The following GET1 variants were observed in gnomAD, a reference collection of about 807,000 sequenced individuals.
GET1 encodes congenital heart disease 5 protein.
Under a neutral mutation model 22.6 loss-of-function variants are expected in GET1, and 20 were observed. The ratio of observed to expected loss-of-function variants is 0.89; its 90% CI spans 0.62 to 1.29. The LOEUF is 1.29. Among genes scored for constraint, GET1 ranks in the 50% most tolerant of loss-of-function variants. The pLI, the probability that GET1 is intolerant of heterozygous loss-of-function variation, is 0.00. For synonymous variants in GET1, 92 were observed against 83.8 expected, an observed-to-expected ratio of 1.10 and a Z score of -0.53; for missense variants, 209 against 219.9, an observed-to-expected ratio of 0.95 and a Z score of 0.31.
chr21:39,401,226 T>C (rs895206345), downstream of GET1, among the ~76,000 whole-genome samples: 64 of 152,096 alleles, frequency 4.2e-4, no homozygotes, highest in African/African-American at 1.4e-3. Context: ...ATTTTTAAAT[T>C]TTTGTAGAGA....
chr21:39,403,520 G>A (rs1047368197), intron 4 of GET1, among the ~76,000 whole-genome samples: 9 of 145,164 alleles, frequency 6.2e-5, no homozygotes, highest in Admixed American at 6.1e-4. Flanking sequence ...TAGAGACGGG[G>A]TTCACCGTGT....
At chr21:39,410,056 G>A (rs756895132), downstream of GET1, 54 of 1,610,982 alleles carry the variant, frequency 3.4e-5, no homozygotes, top group East Asian at 1.2e-3. Context: ...TATTTCAGTT[G>A]ATTTTTCTTT....
chr21:39,397,115 C>CAA lies in GET1; in HGVS notation c.*176_*177insAA. The CAA allele has an allele frequency of 1.5e-6, 1 of 665,104 alleles. No homozygotes were observed. The highest frequency in any genetic ancestry group is 2.5e-6 in the Non-Finnish European group (1 of 397,744). 41.2% of individuals were successfully genotyped at this position (665,104 alleles called of 1,614,324 possible). On this transcript the variant is annotated 3_prime_UTR_variant, in exon 5 of 5. Coordinates refer to ENST00000649170, the MANE Select transcript of GET1 (RefSeq NM_004627.6). ...AGAGTCTTATAAGAATCACGATTTT[C>CAA]TACACCTGTCATTGAGCCAAGAAAG...
Position 39,387,737 on chromosome 21 carries a change from A to T in GET1, c.103-2961A>T, listed in dbSNP as rs187451038. On this transcript the variant is annotated intron_variant, in intron 1 of 4. Coordinates refer to ENST00000649170, the MANE Select transcript of GET1 (RefSeq NM_004627.6). ...CATCACGCAGGCGCTGGTAGGCGGC[A>T]TCACTGGGCGGGTCAGAAACCACGC... The T allele has an allele frequency of 1.6e-5, 16 of 973,100 alleles. 1 individual carries two copies. In the African/African-American group the frequency reaches 1.7e-4, roughly 10 times the overall value. The allele number at this position is 973,100 out of a possible 1,614,324, so 60.3% of individuals were successfully genotyped here. A position where few individuals can be genotyped will look rare whatever the true frequency, so the allele number is the denominator to read the frequency against.
intron 1 of GET1, among the ~76,000 whole-genome samples, chr21:39,417,328 C>G (rs1227709399): frequency 6.6e-6 from 1 of 152,224 alleles, no homozygotes; most frequent in Non-Finnish European, 1.5e-5. Context: ...GCATGAGCCA[C>G]TGTACCCAGC....
chr21:39,385,407 C>G (rs1173146141), intron 1 of GET1, among the ~76,000 whole-genome samples: 1 of 152,148 alleles, frequency 6.6e-6, no homozygotes, highest in African/African-American at 2.4e-5. Flanking sequence ...CAGCTGTCCG[C>G]TGCGGTGGGG....
chr21:39,408,258 G>A (rs926532616), downstream of GET1, among the ~76,000 whole-genome samples: 6 of 152,150 alleles, frequency 3.9e-5, no homozygotes, highest in African/African-American at 1.4e-4. Flanking sequence ...TCAAGTGTAA[G>A]GGCAGAATAA....
intron 4 of GET1, among the ~76,000 whole-genome samples, chr21:39,404,665 G>C (rs1021286660): frequency 1.4e-5 from 2 of 145,754 alleles, no homozygotes; most frequent in Non-Finnish European, 3.0e-5. Context: ...CACGAGAATC[G>C]CTTGAACCCC....
chr21:39,408,386 G>C (rs1322092381), downstream of GET1, among the ~76,000 whole-genome samples: 3 of 152,160 alleles, frequency 2.0e-5, no homozygotes, highest in African/African-American at 4.8e-5. Flanking sequence ...GGAGGACTTG[G>C]CTTAGGAAAG....
intron 4 of GET1, among the ~76,000 whole-genome samples, chr21:39,395,552 C>T (rs2038585671): frequency 6.6e-6 from 1 of 151,994 alleles, no homozygotes; most frequent in Admixed American, 6.6e-5. Flanking sequence ...TTAGTAGAGA[C>T]AGGGTTTCAC....
At chr21:39,428,296 A>G (rs1421672041) in exon 2 of GET1, 2 of 1,612,354 alleles carry the variant, frequency 1.2e-6, no homozygotes, top group Non-Finnish European at 1.7e-6. Flanking sequence ...CTTCTGAATA[A>G]TCATACTGAG....
rs569364432 is a variant in GET1, at chr21:39,420,706, C to T, written c.*24-7526C>T. 6 of 1,607,110 alleles carry T rather than the reference C, an allele frequency of 3.7e-6. No homozygotes were observed. In the African/African-American group the frequency reaches 4.0e-5, roughly 11 times the overall value. On this transcript the variant is annotated intron_variant, in intron 1 of 1. Transcript: ENST00000478273. ...TTACATTTTGTTTTAAAAGAAATACCTTAAGTTTTTGTTGAAGGTGTTTTA... is the reference window on the plus strand; with the variant it reads ...TTACATTTTGTTTTAAAAGAAATACTTTAAGTTTTTGTTGAAGGTGTTTTA...
intron 1 of GET1, among the ~76,000 whole-genome samples, chr21:39,427,401 G>A (rs997323091): frequency 1.3e-5 from 2 of 152,146 alleles, no homozygotes; most frequent in East Asian, 3.9e-4. Flanking sequence ...GGTGGCTCAC[G>A]CCTGTAATCC....
chr21:39,425,405 A>G (rs1490265463), intron 1 of GET1, among the ~76,000 whole-genome samples: 1 of 152,264 alleles, frequency 6.6e-6, no homozygotes, highest in East Asian at 1.9e-4. Flanking sequence ...ACAACACAGT[A>G]TAACATCAAT....
At chr21:39,416,627 A>G (rs1478824497) in intron 1 of GET1, among the ~76,000 whole-genome samples, 5 of 151,830 alleles carry the variant, frequency 3.3e-5, no homozygotes, top group Non-Finnish European at 4.4e-5. Flanking sequence ...AATCAGGACT[A>G]TAGGATTTTT....
intron 1 of GET1, chr21:39,428,166 C>A: frequency 6.5e-7 from 1 of 1,535,898 alleles, no homozygotes. Flanking sequence ...AAATTTTACT[C>A]CTTACCTTTA....
chr21:39,404,013 C>T (rs2038919916), intron 4 of GET1, among the ~76,000 whole-genome samples: 1 of 152,246 alleles, frequency 6.6e-6, no homozygotes, highest in South Asian at 2.1e-4. Flanking sequence ...GCAACCTCCT[C>T]CCAGGTTCAA....
chr21:39,390,606 G>A, intron 1 of GET1, 92 bp from the exon 2 acceptor site: 1 of 1,510,372 alleles, frequency 6.6e-7, no homozygotes, highest in Non-Finnish European at 8.9e-7. Flanking sequence ...GTCACAGAGT[G>A]GTCAGGGCAT....
chr21:39,422,582 G>A (rs2073950128), intron 1 of GET1: 2 of 267,332 alleles, frequency 7.5e-6, no homozygotes, highest in Admixed American at 1.0e-4. Flanking sequence ...TTTTAGGGAA[G>A]TAGCCTTTTA....
Sources: gnomAD v4.1 joint callset for allele counts (sites outside exome capture counted in the v4.1 genomes callset) on GRCh38, gnomAD v4.1.1 for gene constraint, MANE v1.5 for transcripts, NCBI Gene and HGNC (gene_info 2026-07-23, HGNC 2026-07-21) for gene names.